Variants in DISP3 observed in about 807,000 individuals in gnomAD.
The protein encoded by DISP3 is protein dispatched homolog 3.
A neutral mutation model predicts 135.3 loss-of-function variants in DISP3; 101 were observed. That is an observed-to-expected ratio of 0.75 (90% CI 0.64 to 0.88). The LOEUF is 0.88. Ranked by LOEUF, DISP3 falls within the 40% of genes least tolerant of loss-of-function variation. The probability of loss-of-function intolerance (pLI) is 0.00; values close to 1 mark genes in which losing one functional copy is unlikely to be tolerated. For missense variants in DISP3, 1,713 were observed against 1,878.6 expected, an observed-to-expected ratio of 0.91 and a Z score of 1.63; for synonymous variants, 856 against 817.0, an observed-to-expected ratio of 1.05 and a Z score of -0.81.
In DISP3 at chr1:11,519,390, A is replaced by G. The variant is rs1446078254; in HGVS notation, c.1925A>G (p.His642Arg). ...HQNCSRKTSL[H>R]FPGDVFAAPE... is the part of the protein sequence containing the mutation. The stretch of plus-strand genomic sequence containing the variant: ...AATTGCAGCCGGAAGACCTCCCTGC[A>G]CTTCCCCGGAGACGTGTTTGCCGCT... The change falls in exon 8 of 21, where the codon CAC (histidine) becomes CGC (arginine). Residue 642 changes from histidine to arginine, a missense_variant. His to Arg is a conservative substitution (Grantham distance 29). Transcript: ENST00000294484. This position sits in a 1 kb window ranked among gnomAD's most constrained non-coding sequence, Gnocchi z 4.3. The G allele has an allele frequency of 6.2e-7, 1 of 1,613,568 alleles. No individual in the cohort carries two copies. The highest frequency in any genetic ancestry group is 2.2e-5 in the East Asian group (1 of 44,848).
Position 11,521,768 on chromosome 1 carries a change from C to T in DISP3, c.2362+920C>T, listed in dbSNP as rs77313132. ...CCAGAGGTGGGAAAGACCAATGCCA[C>T]ATTTGAGAGAGGCAGCTGCAGGAAC... On this transcript the variant is annotated intron_variant, in intron 10 of 20. Transcript: ENST00000294484. 1.4e-4 allele frequency among the ~76,000 whole-genome samples: 22 copies of T among 152,226 alleles called. No homozygotes were observed. The East Asian group carries it at 4.1e-3, about 28-fold the overall frequency.
At position 11,501,790 on chromosome 1, in the gene DISP3, C is replaced by G; in HGVS notation, c.798C>G (p.Asn266Lys). Residue 266 changes from asparagine to lysine, a missense_variant, in exon 2 of 21, where the codon AAC becomes AAG. By Grantham distance (94) the Asn-to-Lys change is moderately conservative (BLOSUM62 0). Transcript: ENST00000294484. The surrounding 1 kb of genome is among the most constrained non-coding windows in gnomAD (Gnocchi z 4.9). The part of the protein sequence containing the change: ...WDYSRAYVSA[N>K]TQTHAHWRIE... The stretch of plus-strand genomic sequence containing the variant: ...ACTCGCGCGCCTATGTGAGTGCCAA[C>G]ACTCAGACGCACGCGCACTGGCGCA... The G allele has an allele frequency of 6.9e-6, 11 of 1,601,772 alleles. No individual in the cohort carries two copies. Among genetic ancestry groups the G allele is most frequent in the African/African-American group, 1.3e-5 (1 of 74,800 alleles).
At chr1:11,514,890 G>A (rs1413752654) in intron 4 of DISP3, among the ~76,000 whole-genome samples, 5 of 152,132 alleles carry the variant, frequency 3.3e-5, no homozygotes, top group Non-Finnish European at 5.9e-5. Flanking sequence ...TCTGCCCCCC[G>A]ATCACTTTTT....
rs746847290 is a variant in DISP3 at position 11,520,694 on chromosome 1, C to T, written c.2208C>T (p.Phe736=). Residue 736 remains phenylalanine (F), a synonymous_variant, in exon 10 of 21, where the codon TTC becomes TTT. Coordinates refer to ENST00000294484, the MANE Select transcript of DISP3 (RefSeq NM_020780.2). This position sits in a 1 kb window ranked among gnomAD's most constrained non-coding sequence, Gnocchi z 4.8. ...VKSRWVIVGL[F]VSILILSLVF... The stretch of plus-strand genomic sequence containing the variant: ...AGCGCCCTTTCCTCACAGGGCTGTT[C>T]GTCTCCATCCTCATCTTGTCCCTGG... 74 of 1,613,018 alleles carry T rather than the reference C, an allele frequency of 4.6e-5. No individual in the cohort carries two copies. The Middle Eastern group carries it at 8.2e-4, about 18-fold the overall frequency.
In DISP3 at chr1:11,519,442, C is replaced by T. The variant is rs1642110021; in HGVS notation, c.1977C>T (p.Ala659=). The T allele has an allele frequency of 2.5e-6, 4 of 1,613,780 alleles. No individual in the cohort carries two copies. The highest frequency in any genetic ancestry group is 2.5e-6 in the Non-Finnish European group (3 of 1,180,008). ...CCGAGCAGGTTGGAGGCAGCCCTGCCCAGGGCCCCATACCCTACCTGGATG... is the reference window on the plus strand; with the variant it reads ...CCGAGCAGGTTGGAGGCAGCCCTGCTCAGGGCCCCATACCCTACCTGGATG... The part of the protein sequence containing the change: ...AAPEQVGGSP[A]QGPIPYLDDD... Residue 659 remains alanine, a synonymous_variant, in exon 8 of 21, where the codon GCC becomes GCT. Coordinates refer to ENST00000294484, the MANE Select transcript of DISP3 (RefSeq NM_020780.2). This position sits in a 1 kb window ranked among gnomAD's most constrained non-coding sequence, Gnocchi z 4.3.
intron 17 of DISP3, chr1:11,533,736 T>TGTACACACGCAC: frequency 1.4e-6 from 1 of 697,650 alleles, no homozygotes. Flanking sequence ...CAGACACGCA[T>TGTACACACGCAC]GCACACACAC....
At chr1:11,515,167 C>A (rs1641971219) in intron 4 of DISP3, among the ~76,000 whole-genome samples, 1 of 152,270 alleles carries the variant, frequency 6.6e-6, no homozygotes. Context: ...GGAGGACAGT[C>A]TGCCACTTGG....
At position 11,501,368 on chromosome 1, in the gene DISP3, C is replaced by T. The variant is rs748042466; in HGVS notation, c.376C>T (p.Leu126Phe). ...GCGTTTCGACGCTCTCACTCTGGCG[C>T]TTAAGTCCCAGTTTGGATCCTGGGG... is the stretch of plus-strand genomic sequence containing the variant. ...SQRFDALTLA[L>F]KSQFGSWGRN... is the part of the protein sequence containing the mutation. The change falls in exon 2 of 21, where the codon CTT (leucine) becomes TTT (phenylalanine). Residue 126 changes from leucine (L) to phenylalanine (F), a missense_variant. Around this residue, in one of 2 missense-constraint regions of DISP3, gnomAD observed 571 missense variants for 494.1 expected, o/e 1.16. Transcript: ENST00000294484. This position sits in a 1 kb window ranked among gnomAD's most constrained non-coding sequence, Gnocchi z 4.9. 6.2e-6 allele frequency: 10 copies of T among 1,611,222 alleles called. No individual in the cohort carries two copies. In the East Asian group the frequency reaches 2.2e-4, roughly 36 times the overall value.
chr1:11,517,456 T>A lies in DISP3; in HGVS notation c.1750-7T>A. 1 of 1,613,838 alleles carries A rather than the reference T, an allele frequency of 6.2e-7. No individual in the cohort carries two copies. Among genetic ancestry groups the A allele is most frequent in the Non-Finnish European group, 8.5e-7 (1 of 1,179,708 alleles). Reference sequence around the variant, plus strand: ...TCCCACATCCCTCTCTTCCTTTCCATCACCAGATCCCAGCCGTCCACGACT... The same window carrying A: ...TCCCACATCCCTCTCTTCCTTTCCAACACCAGATCCCAGCCGTCCACGACT... On this transcript the variant is annotated splice_region_variant and splice_polypyrimidine_tract_variant and intron_variant, in intron 6 of 20. Transcript: ENST00000294484.
At chr1:11,522,904 G>GCCAGGA (rs1642281349) in intron 10 of DISP3, among the ~76,000 whole-genome samples, 1 of 24,000 alleles carries the variant, frequency 4.2e-5, no homozygotes, top group Non-Finnish European at 8.8e-5. Flanking sequence ...CCCAGCCAGA[G>GCCAGGA]CCCAGCCAGG....
At chr1:11,498,019 C>T (rs928937550) in intron 1 of DISP3, among the ~76,000 whole-genome samples, 7 of 152,180 alleles carry the variant, frequency 4.6e-5, no homozygotes, top group Non-Finnish European at 7.3e-5. Context: ...CACATCTACC[C>T]GCCTGTGGGG....
At chr1:11,534,851 C>T in intron 18 of DISP3, 160 bp from the exon 19 acceptor site, 1 of 806,958 alleles carries the variant, frequency 1.2e-6, no homozygotes, top group Non-Finnish European at 2.1e-6. Flanking sequence ...GACCTGTGTT[C>T]TCTTCAACTC....
At chr1:11,505,528 G>C (rs188772687) in intron 3 of DISP3, among the ~76,000 whole-genome samples, 33 of 152,212 alleles carry the variant, frequency 2.2e-4, no homozygotes, top group African/African-American at 8.0e-4. Context: ...CCATTAGAGC[G>C]TCACAGCAGT....
At chr1:11,503,397 T>C (rs759529987) in intron 3 of DISP3, among the ~76,000 whole-genome samples, 22 of 152,220 alleles carry the variant, frequency 1.4e-4, no homozygotes, top group Non-Finnish European at 2.4e-4. Flanking sequence ...GCTGGTAGTA[T>C]AGCTCAGTCC....
In DISP3 at chr1:11,520,743, G is replaced by T. The variant is rs199823398; in HGVS notation, c.2257G>T (p.Ala753Ser). 3.1e-6 allele frequency: 5 copies of T among 1,613,386 alleles called. No homozygotes were observed. The African/African-American group carries it at 5.3e-5, about 17-fold the overall frequency. ...SLVFASRLRP[A>S]SRAPLLFRPD... ...GGTGTTCGCCAGCCGGCTCCGCCCC[G>T]CCAGCCGGGCCCCGCTACTCTTCCG... Residue 753 changes from alanine (A) to serine (S), a missense_variant, in exon 10 of 21, where the codon GCC becomes TCC. Physicochemically the swap from Ala to Ser is moderately conservative, Grantham distance 99. Around this residue, in one of 2 missense-constraint regions of DISP3, gnomAD observed 1,142 missense variants for 1,384.6 expected, o/e 0.82. Transcript: ENST00000294484. This position sits in a 1 kb window ranked among gnomAD's most constrained non-coding sequence, Gnocchi z 4.8.
chr1:11,524,205 T>A, intron 11 of DISP3, 150 bp downstream of exon 11: 1 of 624,146 alleles, frequency 1.6e-6, no homozygotes, highest in East Asian at 3.0e-5. Context: ...GGATGGGGGG[T>A]GAATTTGGGG....
chr1:11,535,522 G>C lies in DISP3; in HGVS notation c.3694G>C (p.Glu1232Gln). ...VVTIMYWSGW[E>Q]MGAVEAISLS... ...GACCATCATGTACTGGAGCGGCTGG[G>C]AGATGGGGGCTGTGGAAGCCATCTC... The change falls in exon 20 of 21, where the codon GAG (glutamate) becomes CAG (glutamine). Residue 1232 changes from glutamate to glutamine, a missense_variant. Physicochemically the swap from Glu to Gln is conservative, Grantham distance 29. This residue lies in a region of DISP3 where 1,142 missense variants were observed against 1,384.6 expected (regional missense o/e 0.82). Transcript: ENST00000294484. 1 of 1,613,024 alleles carries C rather than the reference G, an allele frequency of 6.2e-7. No individual in the cohort carries two copies. Among genetic ancestry groups the C allele is most frequent in the Non-Finnish European group, 8.5e-7 (1 of 1,179,830 alleles).
intron 7 of DISP3, among the ~76,000 whole-genome samples, chr1:11,517,919 T>G (rs1238424342): frequency 6.6e-6 from 1 of 152,170 alleles, no homozygotes; most frequent in Non-Finnish European, 1.5e-5. Context: ...TGGGCAGCTT[T>G]TTCAAGGTCA....
chr1:11,518,453 G>A (rs1642074517), intron 7 of DISP3, among the ~76,000 whole-genome samples: 1 of 152,230 alleles, frequency 6.6e-6, no homozygotes, highest in Admixed American at 6.5e-5. Context: ...ACTGCTCTGT[G>A]TACCATGGGT....
Sources: allele counts gnomAD v4.1 joint callset (sites outside exome capture counted in the v4.1 genomes callset), GRCh38; gene constraint gnomAD v4.1.1; regional missense constraint gnomAD v4.1.1; non-coding constraint Gnocchi (gnomAD v3.1); transcripts MANE v1.5; gene names NCBI Gene and HGNC (gene_info 2026-07-23, HGNC 2026-07-21).